SCGB2B2: variants seen among roughly 807,000 people sequenced by gnomAD.
SCGB2B2 encodes the protein secretoglobin family 2B member 2, also known as secretoglobin-like protein.
SCGB2B2 carries 11 observed loss-of-function variants against 7.6 expected under a neutral mutation model. That is an observed-to-expected ratio of 1.45 (90% CI 0.91 to 2.40). The LOEUF is 2.40. Ranked by LOEUF, SCGB2B2 falls within the 30% of genes most tolerant of loss-of-function variation. The pLI, the probability that SCGB2B2 is intolerant of heterozygous loss-of-function variation, is 0.00. For missense variants in SCGB2B2, 104 were observed against 115.4 expected (o/e 0.90, Z 0.45); for synonymous variants, 50 against 48.6 (o/e 1.03, Z -0.12).
chr19:34,589,371 G>T (rs1165418561), downstream of SCGB2B2, among the ~76,000 whole-genome samples: 2 of 152,118 alleles, frequency 1.3e-5, no homozygotes, highest in African/African-American at 4.8e-5. Context: ...CCAGCTCTGA[G>T]TTGGTGGGAG....
At chr19:34,659,335 A>G (rs2067383289) in intron 1 of SCGB2B2, among the ~76,000 whole-genome samples, 1 of 152,212 alleles carries the variant, frequency 6.6e-6, no homozygotes, top group Admixed American at 6.5e-5. Context: ...AATTAGGAAA[A>G]GAGGAGTCAA....
chr19:34,613,853 ATGT>A (rs2066000032), intron 1 of SCGB2B2, among the ~76,000 whole-genome samples: 1 of 152,140 alleles, frequency 6.6e-6, no homozygotes, highest in African/African-American at 2.4e-5. Context: ...TGTGGAAAAA[ATGT>A]TATTACTCTC....
intron 1 of SCGB2B2, among the ~76,000 whole-genome samples, chr19:34,673,034 C>T (rs1203261594): frequency 1.3e-5 from 2 of 152,172 alleles, no homozygotes; most frequent in Non-Finnish European, 2.9e-5. Flanking sequence ...GCTTCTGCAT[C>T]AGAGTAAACT....
intron 1 of SCGB2B2, chr19:34,635,525 TA>T: frequency 3.5e-6 from 1 of 287,898 alleles, no homozygotes. Flanking sequence ...CGTAAGGCTT[TA>T]AACCCATGTG....
downstream of SCGB2B2, among the ~76,000 whole-genome samples, chr19:34,586,319 T>A (rs2065189814): frequency 6.6e-6 from 1 of 152,242 alleles, no homozygotes; most frequent in Non-Finnish European, 1.5e-5. Flanking sequence ...GTACATAATT[T>A]GTGACTTTTG....
rs533539295 is a variant in SCGB2B2, at chr19:34,609,316, C to G, written c.-2031-12722G>C. Among the ~76,000 whole-genome samples, 7 of 152,116 alleles carry G rather than the reference C, an allele frequency of 4.6e-5. No homozygotes were observed. In the East Asian group the frequency reaches 1.4e-3, roughly 29 times the overall value. On this transcript the variant is annotated intron_variant, in intron 1 of 3. Transcript: ENST00000601241. ...GATCATTTCCTTTGCTGTGCCGAAG[C>G]TTTTTAGTTTGTTATAGTCCTGTTT...
At chr19:34,586,402 G>T (rs963327165), downstream of SCGB2B2, among the ~76,000 whole-genome samples, 2 of 152,082 alleles carry the variant, frequency 1.3e-5, no homozygotes, top group African/African-American at 4.8e-5. Flanking sequence ...ATGCCTCCTT[G>T]TTCCTCTGTG....
chr19:34,627,838 G>A (rs1253473947), intron 1 of SCGB2B2, among the ~76,000 whole-genome samples: 8 of 151,986 alleles, frequency 5.3e-5, no homozygotes, highest in South Asian at 2.1e-4. Flanking sequence ...GCACCACATC[G>A]CACTTCTTCC....
downstream of SCGB2B2, among the ~76,000 whole-genome samples, chr19:34,590,381 TCATC>T (rs1016443748): frequency 7.4e-6 from 1 of 135,112 alleles, no homozygotes. Context: ...ATCCATCCGT[TCATC>T]CATCCATCCA....
intron 1 of SCGB2B2, among the ~76,000 whole-genome samples, chr19:34,605,665 G>A (rs560344057): frequency 4.6e-5 from 7 of 152,246 alleles, no homozygotes; most frequent in South Asian, 4.1e-4. Flanking sequence ...TTGGCTCACC[G>A]CAACCTCCAC....
Position 34,646,037 on chromosome 19 carries a change from C to T in SCGB2B2, c.-2032+29593G>A, listed in dbSNP as rs111488664. On this transcript the variant is annotated intron_variant, in intron 1 of 3. Coordinates refer to ENST00000601241, the MANE Select transcript of SCGB2B2 (RefSeq NM_001025591.4). Reference sequence around the variant, plus strand: ...AGCAATGCTTTGCCTCTGTTTCATTCCCAGAAAGCCTTGCTGTTGTTGGAA... The same window carrying T: ...AGCAATGCTTTGCCTCTGTTTCATTTCCAGAAAGCCTTGCTGTTGTTGGAA... The T allele has an allele frequency of 1.4e-3, 391 of 282,408 alleles. 3 individuals carry two copies. Among genetic ancestry groups the T allele is most frequent in the African/African-American group, 7.8e-3 (347 of 44,398 alleles). 17.5% of individuals were successfully genotyped at this position (282,408 alleles called of 1,614,324 possible).
At chr19:34,596,803 A>C (rs2065470208) in intron 1 of SCGB2B2, among the ~76,000 whole-genome samples, 2 of 152,022 alleles carry the variant, frequency 1.3e-5, no homozygotes, top group South Asian at 4.1e-4. Flanking sequence ...AGAGGGCCGC[A>C]GTGGGGCTGA....
intron 1 of SCGB2B2, among the ~76,000 whole-genome samples, chr19:34,660,274 A>G (rs2067414966): frequency 6.6e-6 from 1 of 152,252 alleles, no homozygotes; most frequent in East Asian, 1.9e-4. Flanking sequence ...AAAAGCCAAA[A>G]TAGACAAATG....
rs980740434 is a variant in SCGB2B2 at position 34,619,216 on chromosome 19, C to T, written c.-2031-22622G>A. 3.9e-5 allele frequency among the ~76,000 whole-genome samples: 6 copies of T among 152,148 alleles called. No homozygotes were observed. The East Asian group carries it at 7.7e-4, about 20-fold the overall frequency. On this transcript the variant is annotated intron_variant, in intron 1 of 3. Transcript: ENST00000601241. ...AACACACATAATACACAGACAAAAA[C>T]GGAGATCCAAGACAGAATTTCATCA...
chr19:34,616,873 G>C (rs1016756785), intron 1 of SCGB2B2, among the ~76,000 whole-genome samples: 7 of 152,108 alleles, frequency 4.6e-5, no homozygotes, highest in African/African-American at 1.4e-4. Context: ...TAAGGTGTAA[G>C]GAAGGGATCC....
chr19:34,674,061 C>T (rs1388490111), intron 1 of SCGB2B2, among the ~76,000 whole-genome samples: 1 of 152,192 alleles, frequency 6.6e-6, no homozygotes, highest in Non-Finnish European at 1.5e-5. Flanking sequence ...CACATCTAGT[C>T]CTTTAATGTT....
At chr19:34,655,024 A>G (rs2067246940) in intron 1 of SCGB2B2, among the ~76,000 whole-genome samples, 1 of 151,344 alleles carries the variant, frequency 6.6e-6, no homozygotes, top group Admixed American at 6.6e-5. Flanking sequence ...CTCTGTACCA[A>G]TCAGTGTCCC....
At chr19:34,644,352 T>G (rs537634279) in intron 1 of SCGB2B2, among the ~76,000 whole-genome samples, 3,809 of 125,506 alleles carry the variant, frequency 0.03, 174 homozygotes, top group African/African-American at 0.11. Context: ...GTTTTTTTGT[T>G]TTTTTTTTTG....
At chr19:34,621,938 G>T (rs1307991784) in intron 1 of SCGB2B2, among the ~76,000 whole-genome samples, 2 of 152,176 alleles carry the variant, frequency 1.3e-5, no homozygotes, top group African/African-American at 4.8e-5. Context: ...GGCAAGGACA[G>T]GTTTTTTTAA....
Sources: allele counts gnomAD v4.1 joint callset (sites outside exome capture counted in the v4.1 genomes callset), GRCh38; gene constraint gnomAD v4.1.1; transcripts MANE v1.5; gene names NCBI Gene and HGNC (gene_info 2026-07-23, HGNC 2026-07-21).